Variants in EVC2 observed in about 807,000 individuals in gnomAD.
EVC2 encodes EvC ciliary complex subunit 2, also known as limbin.
EVC2 carries 148 observed loss-of-function variants against 149.3 expected under a neutral mutation model. That is an observed-to-expected ratio of 0.99 (90% CI 0.87 to 1.14). The LOEUF is 1.14. Among genes scored for constraint, EVC2 ranks in the 50% most tolerant of loss-of-function variants. The pLI is 0.00. For synonymous variants in EVC2, 776 were observed against 649.9 expected, an observed-to-expected ratio of 1.19 and a Z score of -2.95; for missense variants, 1,854 against 1,627.3, an observed-to-expected ratio of 1.14 and a Z score of -2.40.
intron 9 of EVC2, among the ~76,000 whole-genome samples, chr4:5,661,187 AGGGTTCACATTT>A (rs1289078056): frequency 2.0e-5 from 3 of 152,224 alleles, no homozygotes; most frequent in Non-Finnish European, 4.4e-5. Flanking sequence ...TCCAATTTGA[AGGGTTCACATTT>A]GGCCCCATTA....
intron 16 of EVC2, among the ~76,000 whole-genome samples, chr4:5,596,792 G>A (rs1282264520): frequency 3.3e-5 from 5 of 152,024 alleles, no homozygotes; most frequent in East Asian, 1.9e-4. Flanking sequence ...TTTCTGAAAG[G>A]ATCAACAAAA....
chr4:5,576,538 G>T lies in EVC2; in HGVS notation c.3058-84C>A, dbSNP rs1722948445. 2.0e-6 allele frequency: 3 copies of T among 1,534,494 alleles called. No individual in the cohort carries two copies. The East Asian group carries it at 7.3e-5, about 38-fold the overall frequency. On this transcript the variant is annotated intron_variant, in intron 17 of 21. Transcript: ENST00000344408. This position sits in a 1 kb window ranked among gnomAD's most constrained non-coding sequence, Gnocchi z 4.5. ...CAAAATCTGACCTCCTGGGTGTCTT[G>T]CTACAAGTCTGGCATGACTCTGTCT...
Position 5,574,724 on chromosome 4 carries a change from T to G in EVC2, c.3321A>C (p.Glu1107Asp). 6.2e-7 allele frequency: 1 copy of G among 1,614,208 alleles called. No homozygotes were observed. The highest frequency in any genetic ancestry group is 8.5e-7 in the Non-Finnish European group (1 of 1,180,020). Residue 1107 changes from glutamate (E) to aspartate (D), a missense_variant, in exon 19 of 22, where the codon GAA (glutamate) becomes GAC (aspartate). Transcript: ENST00000344408. The part of the protein sequence containing the change: ...QNSVVLEDLL[E>D]NMEADTFATL... ...TTGCAAAGGTGTCTGCCTCCATGTT[T>G]TCCAACAAGTCTTCTAGCACGACAC...
chr4:5,699,961 T>C (rs1483825840), intron 1 of EVC2, among the ~76,000 whole-genome samples: 1 of 152,022 alleles, frequency 6.6e-6, no homozygotes, highest in Non-Finnish European at 1.5e-5. Flanking sequence ...GCCCACATGG[T>C]GAAACCCTGC....
chr4:5,698,931 G>C (rs1721655678), intron 1 of EVC2, among the ~76,000 whole-genome samples: 1 of 152,200 alleles, frequency 6.6e-6, no homozygotes, highest in African/African-American at 2.4e-5. Flanking sequence ...CTCTCACGCG[G>C]GCCAGACACC....
In EVC2 at chr4:5,574,795, G is replaced by A. The variant is rs560567501; in HGVS notation, c.3273-23C>T. On this transcript the variant is annotated intron_variant, in intron 18 of 21. Transcript: ENST00000344408. ...AAACTGGAGTGAAAATAAAATATAC[G>A]TAAGTTCAGTTTTGTTATAAAGTGA... 9.9e-5 allele frequency: 159 copies of A among 1,609,262 alleles called. 1 individual carries two copies. The highest frequency in any genetic ancestry group is 9.5e-4 in the South Asian group (86 of 90,988).
chr4:5,590,298 G>C lies in EVC2; in HGVS notation c.2830-5448C>G, dbSNP rs376246261. On this transcript the variant is annotated intron_variant, in intron 16 of 21. Coordinates refer to ENST00000344408, the MANE Select transcript of EVC2 (RefSeq NM_147127.5). ...AGGAAAAAGTTGAGTGATGGGCAAG[G>C]CATGGCAAGAATTGGTAAGAGGTGA... 1.6e-4 allele frequency among the ~76,000 whole-genome samples: 25 copies of C among 152,268 alleles called. 1 individual carries two copies. In the East Asian group the frequency reaches 4.6e-3, roughly 28 times the overall value.
intron 9 of EVC2, among the ~76,000 whole-genome samples, chr4:5,645,665 A>T (rs1009046393): frequency 6.6e-6 from 1 of 152,184 alleles, no homozygotes; most frequent in Non-Finnish European, 1.5e-5. Flanking sequence ...TCTACCACTG[A>T]TGAGCATTTA....
In EVC2 at chr4:5,643,279, G is replaced by A. The variant is rs1011066007; in HGVS notation, c.1146-2441C>T. 3.3e-5 allele frequency among the ~76,000 whole-genome samples: 5 copies of A among 152,294 alleles called. No individual in the cohort carries two copies. The East Asian group carries it at 9.6e-4, about 29-fold the overall frequency. On this transcript the variant is annotated intron_variant, in intron 9 of 21. Coordinates refer to ENST00000344408, the MANE Select transcript of EVC2 (RefSeq NM_147127.5). ...AAGGATGGCATCCCTGTACTGGAAG[G>A]AAAGCAACATTCTTATCATCAAGCA...
intron 16 of EVC2, among the ~76,000 whole-genome samples, chr4:5,597,344 C>G (rs868699325): frequency 1.8e-4 from 27 of 152,160 alleles, no homozygotes; most frequent in Non-Finnish European, 3.4e-4. Flanking sequence ...CCAAAGCCAG[C>G]AGCACATCAA....
At chr4:5,690,315 T>C (rs1441567033) in intron 4 of EVC2, among the ~76,000 whole-genome samples, 1 of 152,170 alleles carries the variant, frequency 6.6e-6, no homozygotes, top group Non-Finnish European at 1.5e-5. Flanking sequence ...CCCTCCACAT[T>C]CAGGAGAAAG....
the EVC2 span, among the ~76,000 whole-genome samples, chr4:5,536,528 T>C: frequency 4.6e-4 from 70 of 152,270 alleles, no homozygotes; most frequent in African/African-American, 1.6e-3. Flanking sequence ...CTCACACCTG[T>C]AATCCTAGCA....
At chr4:5,681,764 GCTCT>G (rs1417185818) in intron 6 of EVC2, among the ~76,000 whole-genome samples, 4 of 152,184 alleles carry the variant, frequency 2.6e-5, no homozygotes, top group African/African-American at 9.7e-5. Context: ...TATTCCTAAT[GCTCT>G]CTAATATTCC....
At chr4:5,594,465 T>C (rs920663151) in intron 16 of EVC2, among the ~76,000 whole-genome samples, 4 of 152,148 alleles carry the variant, frequency 2.6e-5, no homozygotes, top group Non-Finnish European at 4.4e-5. Flanking sequence ...GTAAACAGCG[T>C]CTGGAGTGGA....
Position 5,562,846 on chromosome 4 carries a change from G to A in EVC2, c.*2C>T. On this transcript the variant is annotated 3_prime_UTR_variant, in exon 22 of 22. Transcript: ENST00000344408. This position sits in a 1 kb window ranked among gnomAD's most constrained non-coding sequence, Gnocchi z 4.3. ...GATGCTCCCGCAGGTCTTTCCCTTG[G>A]GCTAGTCCATGCCCAAGGCCCTCAT... 2 of 1,613,682 alleles carry A rather than the reference G, an allele frequency of 1.2e-6. No homozygotes were observed. Among genetic ancestry groups the A allele is most frequent in the Non-Finnish European group, 1.7e-6 (2 of 1,180,020 alleles).
At chr4:5,626,234 A>G (rs1393442285) in intron 12 of EVC2, among the ~76,000 whole-genome samples, 1 of 152,194 alleles carries the variant, frequency 6.6e-6, no homozygotes, top group East Asian at 1.9e-4. Context: ...TGTCAAGAAC[A>G]GCACAAACAA....
At chr4:5,694,635 GGAAT>G (rs1417762384) in intron 2 of EVC2, 134 bp from the exon 3 acceptor site, 1 of 927,220 alleles carries the variant, frequency 1.1e-6, no homozygotes, top group Non-Finnish European at 1.7e-6. Flanking sequence ...AGTTAATGAA[GGAAT>G]GAATGATATC....
chr4:5,625,773 C>T lies in EVC2; in HGVS notation c.2022G>A (p.Lys674=). ...KKKLHQKLIT[K]RRRELLQKHR... is the part of the protein sequence containing the mutation. ...CCTTTTGTAGCAACTCTCGTCTTCT[C>T]TTAGTTATTAATTTTTGGTGGAGCT... The change falls in exon 13 of 22, where the codon AAG becomes AAA. Residue 674 remains lysine, a synonymous_variant. Coordinates refer to ENST00000344408, the MANE Select transcript of EVC2 (RefSeq NM_147127.5). This position sits in a 1 kb window ranked among gnomAD's most constrained non-coding sequence, Gnocchi z 4.0. 6.2e-7 allele frequency: 1 copy of T among 1,614,116 alleles called. No individual in the cohort carries two copies. Among genetic ancestry groups the T allele is most frequent in the Non-Finnish European group, 8.5e-7 (1 of 1,180,034 alleles).
chr4:5,599,813 T>C (rs1469173752), intron 16 of EVC2, among the ~76,000 whole-genome samples: 2 of 152,162 alleles, frequency 1.3e-5, no homozygotes, highest in Non-Finnish European at 2.9e-5. Context: ...GGGTTCAAGA[T>C]ACCCAGAGCA....
Sources: gnomAD v4.1 joint callset for allele counts (sites outside exome capture counted in the v4.1 genomes callset) on GRCh38, gnomAD v4.1.1 for gene constraint, Gnocchi (gnomAD v3.1) non-coding constraint, MANE v1.5 for transcripts, NCBI Gene and HGNC (gene_info 2026-07-23, HGNC 2026-07-21) for gene names.